The following RYR2 variants were observed in gnomAD, a reference collection of about 807,000 sequenced individuals.
RYR2 encodes the protein cardiac muscle ryanodine receptor-calcium release channel.
RYR2 carries 227 observed loss-of-function variants against 601.1 expected under a neutral mutation model. That is an observed-to-expected ratio of 0.38 (90% confidence interval 0.34 to 0.42). The LOEUF (loss-of-function observed/expected upper bound fraction) is 0.42, where lower values mean the gene tolerates loss of function less well. Ranked by LOEUF, RYR2 falls within the 10% of genes least tolerant of loss-of-function variation. RYR2 has a pLI of 1.00. For missense variants in RYR2, 4,646 were observed against 6,156.5 expected, an observed-to-expected ratio of 0.75 and a Z score of 8.21; for synonymous variants, 2,223 against 2,175.1, an observed-to-expected ratio of 1.02 and a Z score of -0.61.
chr1:237,429,519 C>T (rs1191657985), intron 12 of RYR2, among the ~76,000 whole-genome samples: 2 of 152,176 alleles, frequency 1.3e-5, no homozygotes, highest in Non-Finnish European at 2.9e-5. Flanking sequence ...GTCACCCCAC[C>T]CCTCCACAGA....
At chr1:237,823,271 A>G (rs1662719835) in intron 101 of RYR2, among the ~76,000 whole-genome samples, 1 of 152,196 alleles carries the variant, frequency 6.6e-6, no homozygotes, top group Non-Finnish European at 1.5e-5. Context: ...AATTGACCAC[A>G]TAATTGGAAG....
At chr1:237,057,502 G>T (rs1204544797) in intron 1 of RYR2, among the ~76,000 whole-genome samples, 1 of 152,116 alleles carries the variant, frequency 6.6e-6, no homozygotes, top group East Asian at 1.9e-4. Flanking sequence ...GACTTTTGAT[G>T]TGATCATTAT....
chr1:237,235,570 G>A (rs1243676142), intron 1 of RYR2, among the ~76,000 whole-genome samples: 2 of 152,184 alleles, frequency 1.3e-5, no homozygotes, highest in Admixed American at 1.3e-4. Flanking sequence ...GGAGTTGGTG[G>A]AGTGAACTGC....
chr1:237,118,275 A>G (rs192153410), intron 1 of RYR2, among the ~76,000 whole-genome samples: 8 of 152,118 alleles, frequency 5.3e-5, no homozygotes, highest in African/African-American at 1.9e-4. Context: ...ATAAAAAATG[A>G]TAGTTCTTCC....
intron 11 of RYR2, among the ~76,000 whole-genome samples, chr1:237,420,291 G>T (rs533528027): frequency 1.2e-3 from 186 of 152,206 alleles, no homozygotes; most frequent in African/African-American, 3.8e-3. Context: ...TAAAAACTAT[G>T]AATTACATAG....
At chr1:237,178,760 A>G (rs1220544892) in intron 1 of RYR2, among the ~76,000 whole-genome samples, 2 of 152,156 alleles carry the variant, frequency 1.3e-5, no homozygotes, top group African/African-American at 2.4e-5. Context: ...AGCTATGATT[A>G]CAACATTGTA....
At chr1:237,795,685 A>C (rs1464723325) in intron 96 of RYR2, among the ~76,000 whole-genome samples, 1 of 151,740 alleles carries the variant, frequency 6.6e-6, no homozygotes, top group Non-Finnish European at 1.5e-5. Context: ...TCCTGACCTC[A>C]GGTGATCTGC....
chr1:237,059,790 T>C (rs967290612), intron 1 of RYR2, among the ~76,000 whole-genome samples: 5 of 152,210 alleles, frequency 3.3e-5, no homozygotes, highest in African/African-American at 1.2e-4. Context: ...TTGACCACGG[T>C]TGATAATTTT....
chr1:237,181,909 G>A (rs1391131078), intron 1 of RYR2, among the ~76,000 whole-genome samples: 1 of 152,070 alleles, frequency 6.6e-6, no homozygotes, highest in East Asian at 1.9e-4. Context: ...GTCACAATCT[G>A]GCCATCAAAA....
intron 24 of RYR2, among the ~76,000 whole-genome samples, chr1:237,517,749 A>T (rs1420142955): frequency 6.6e-6 from 1 of 152,224 alleles, no homozygotes; most frequent in Non-Finnish European, 1.5e-5. Context: ...TGCCCTCAAC[A>T]GAGTGGTACA....
Position 237,084,090 on chromosome 1 carries a change from G to C in RYR2, c.48+41521G>C, listed in dbSNP as rs545528074. On this transcript the variant is annotated intron_variant, in intron 1 of 104. Coordinates refer to ENST00000366574, the MANE Select transcript of RYR2 (RefSeq NM_001035.3). ...TGAATGCCTCCAGAGTTTGGTCCTC[G>C]GTCCTCCATCATCTGCCCCCACATT... Among the ~76,000 whole-genome samples, 30 of 152,174 alleles carry C rather than the reference G, an allele frequency of 2.0e-4. No homozygotes were observed. The South Asian group carries it at 2.7e-3, about 14-fold the overall frequency.
chr1:237,396,006 T>G (rs1702821719), intron 10 of RYR2, among the ~76,000 whole-genome samples: 4 of 152,234 alleles, frequency 2.6e-5, no homozygotes, highest in Non-Finnish European at 5.9e-5. Flanking sequence ...TATATGGGAA[T>G]CTGCATACAA....
intron 1 of RYR2, among the ~76,000 whole-genome samples, chr1:237,102,413 C>T (rs1668212597): frequency 1.3e-5 from 2 of 152,212 alleles, no homozygotes; most frequent in South Asian, 2.1e-4. Context: ...TGCCTCTTCT[C>T]ACTAAATACA....
At chr1:237,288,696 G>A (rs996620429) in intron 2 of RYR2, among the ~76,000 whole-genome samples, 9 of 152,062 alleles carry the variant, frequency 5.9e-5, no homozygotes, top group Non-Finnish European at 1.2e-4. Context: ...GTTTCCAGGC[G>A]GAGGGTGTGA....
chr1:237,463,897 A>G (rs919797186), intron 16 of RYR2, among the ~76,000 whole-genome samples: 2 of 152,210 alleles, frequency 1.3e-5, no homozygotes, highest in African/African-American at 4.8e-5. Context: ...TTGGAAAGGC[A>G]TTAACTTTAT....
intron 38 of RYR2, among the ~76,000 whole-genome samples, chr1:237,623,359 G>GTTTCTTTCTTTCTTTGTTTCTTTC (rs35848815): frequency 2.0e-5 from 1 of 48,952 alleles, no homozygotes; most frequent in Non-Finnish European, 4.7e-5. Flanking sequence ...GCCTTTCTTT[G>GTTTCTTTCTTTCTTTGTTTCTTTC]TTTCTTTCTT....
At chr1:237,088,829 G>T (rs998983855) in intron 1 of RYR2, among the ~76,000 whole-genome samples, 2 of 152,144 alleles carry the variant, frequency 1.3e-5, no homozygotes, top group African/African-American at 4.8e-5. Flanking sequence ...ACAAGATATG[G>T]CTCATAATAT....
Position 237,476,509 on chromosome 1 carries a change from CAAAAAAAAAAAAAAAAA to C in RYR2, c.1708+7338_1708+7354del, listed in dbSNP as rs56116691. On this transcript the variant is annotated intron_variant, in intron 17 of 104. Transcript: ENST00000366574. ...TGGGTGATAGCGTGAGACTCTGTCT[CAAAAAAAAAAAAAAAAA>C]AAAAAAAAAAAAAAAGAACGAGTCT... Among the ~76,000 whole-genome samples the C allele has an allele frequency of 1.6e-3, 110 of 70,206 alleles. 2 individuals carry two copies. The highest frequency in any genetic ancestry group is 0.012 in the South Asian group (19 of 1,584). 46.1% of individuals were successfully genotyped at this position (70,206 alleles called of 152,430 possible).
chr1:237,581,518 T>G (rs1031645605), intron 29 of RYR2, among the ~76,000 whole-genome samples: 1 of 152,188 alleles, frequency 6.6e-6, no homozygotes, highest in Non-Finnish European at 1.5e-5. Context: ...TTATTGATTT[T>G]ATCATGCTGC....
Sources: allele counts gnomAD v4.1 joint callset (sites outside exome capture counted in the v4.1 genomes callset), GRCh38; gene constraint gnomAD v4.1.1; transcripts MANE v1.5; gene names NCBI Gene and HGNC (gene_info 2026-07-23, HGNC 2026-07-21).